MMP27: variants seen among roughly 807,000 people sequenced by gnomAD.
The protein encoded by MMP27 is matrix metalloproteinase-27.
MMP27 carries 51 observed loss-of-function variants against 48.1 expected under a neutral mutation model. The observed-to-expected ratio is 1.06, with a 90% CI of 0.85 to 1.34. The LOEUF (loss-of-function observed/expected upper bound fraction) is 1.34, where lower values mean the gene tolerates loss of function less well. MMP27 is among the 40% of genes most tolerant of loss of function. The pLI, the probability that MMP27 is intolerant of heterozygous loss-of-function variation, is 0.00. For synonymous variants in MMP27, 229 were observed against 208.9 expected (o/e 1.10, Z -0.83); for missense variants, 698 against 619.3 (o/e 1.13, Z -1.35).
At chr11:102,694,500 T>G (rs1318174042) in intron 7 of MMP27, among the ~76,000 whole-genome samples, 1 of 152,190 alleles carries the variant, frequency 6.6e-6, no homozygotes, top group Admixed American at 6.6e-5. Context: ...GATAAGATCA[T>G]GATCATTAAA....
chr11:102,702,822 G>C lies in MMP27; in HGVS notation c.550C>G (p.Pro184Ala). 1 of 1,613,994 alleles carries C rather than the reference G, an allele frequency of 6.2e-7. No homozygotes were observed. Among genetic ancestry groups the C allele is most frequent in the Non-Finnish European group, 8.5e-7 (1 of 1,179,960 alleles). ...TCACCACCCAGACCCGGACCAGGAG[G>C]AAAGGCATGGCCAAGCACTCCCAAG... The part of the protein sequence containing the change: ...GPLGVLGHAF[P>A]PGPGLGGDTH... The change falls in exon 4 of 10, where the codon CCT becomes GCT. Residue 184 changes from proline to alanine, a missense_variant. Transcript: ENST00000260229.
At chr11:102,692,782 T>C (rs944754578) in intron 9 of MMP27, among the ~76,000 whole-genome samples, 156 bp downstream of exon 9, 3 of 152,140 alleles carry the variant, frequency 2.0e-5, no homozygotes, top group Non-Finnish European at 4.4e-5. Flanking sequence ...ATGGATTCAG[T>C]TTGTGATAAT....
In MMP27 at chr11:102,699,749, A is replaced by G. The variant is rs370519352; in HGVS notation, c.620-2914T>C. ...CTGTTGGGAAAAATAATTCAAGCTC[A>G]GATTTTCTAAATGAAGTCCAGATCT... is the stretch of plus-strand genomic sequence containing the variant. On this transcript the variant is annotated intron_variant, in intron 4 of 9. Coordinates refer to ENST00000260229, the MANE Select transcript of MMP27 (RefSeq NM_022122.3). Among the ~76,000 whole-genome samples the G allele has an allele frequency of 2.6e-5, 4 of 152,364 alleles. No homozygotes were observed. The East Asian group carries it at 7.7e-4, about 29-fold the overall frequency.
chr11:102,702,842 C>T lies in MMP27; in HGVS notation c.530G>A (p.Gly177Glu). 1 of 1,613,970 alleles carries T rather than the reference C, an allele frequency of 6.2e-7. No homozygotes were observed. The highest frequency in any genetic ancestry group is 8.5e-7 in the Non-Finnish European group (1 of 1,179,970). Residue 177 changes from glycine (G) to glutamate (E), a missense_variant, in exon 4 of 10, where the codon GGA (glycine) becomes GAA (glutamate). Physicochemically the swap from Gly to Glu is moderately conservative, Grantham distance 98 (BLOSUM62 -2). Transcript: ENST00000260229. ...RCPRYFDGPL[G>E]VLGHAFPPGP... ...AGGAGGAAAGGCATGGCCAAGCACT[C>T]CCAAGGGACCATCAAAATAGCGAGG...
intron 2 of MMP27, 136 bp from the exon 3 acceptor site, chr11:102,703,254 C>T (rs1860980467): frequency 4.2e-6 from 3 of 720,724 alleles, no homozygotes; most frequent in Non-Finnish European, 6.7e-6. Context: ...CTTACAGTTG[C>T]ATTAGCACTT....
In MMP27 at chr11:102,691,522, T is replaced by C. The variant is rs1469953081; in HGVS notation, c.*244A>G. 2.9e-6 allele frequency: 1 copy of C among 347,498 alleles called. No homozygotes were observed. The highest frequency in any genetic ancestry group is 5.2e-6 in the Non-Finnish European group (1 of 192,182). The allele number at this position is 347,498 out of a possible 1,614,324, so 21.5% of individuals were successfully genotyped here. A position where few individuals can be genotyped will look rare whatever the true frequency, so the allele number is the denominator to read the frequency against. On this transcript the variant is annotated 3_prime_UTR_variant, in exon 10 of 10. Transcript: ENST00000260229. Reference sequence around the variant, plus strand: ...AAGATTGGTTTAATAAATGTTTCAGTATTCAGTTATAAGACATGTCTTCTC... The same window carrying C: ...AAGATTGGTTTAATAAATGTTTCAGCATTCAGTTATAAGACATGTCTTCTC...
At position 102,691,840 on chromosome 11, in the gene MMP27, ATATCTT is replaced by A. The variant is rs1383389491; in HGVS notation, c.1462_1467del (p.Lys488_Ile489del). ...AACAAGCTTAAACTCTTATGATACA[ATATCTT>A]TATGCCTCCTGAATGTGCTTTTTCC... On this transcript the variant is annotated inframe_deletion, in exon 10 of 10. Transcript: ENST00000260229. The A allele has an allele frequency of 6.2e-7, 1 of 1,612,794 alleles. No individual in the cohort carries two copies. Among genetic ancestry groups the A allele is most frequent in the Non-Finnish European group, 8.5e-7 (1 of 1,179,276 alleles).
At position 102,692,930 on chromosome 11, in the gene MMP27, A is replaced by G. The variant is rs777724896; in HGVS notation, c.1297+8T>C. 50 of 1,607,868 alleles carry G rather than the reference A, an allele frequency of 3.1e-5. No homozygotes were observed. The highest frequency in any genetic ancestry group is 4.2e-5 in the Non-Finnish European group (49 of 1,174,766). On this transcript the variant is annotated splice_region_variant and intron_variant, in intron 9 of 9. Coordinates refer to ENST00000260229, the MANE Select transcript of MMP27 (RefSeq NM_022122.3). ...AAGTATCCCAATAAGTGAGACATCC[A>G]TGCTTACCTTTGTACTGGAAAGCAG...
At chr11:102,704,500 T>A (rs1237657988) in intron 2 of MMP27, 37 bp downstream of exon 2, 13 of 1,461,074 alleles carry the variant, frequency 8.9e-6, no homozygotes, top group Non-Finnish European at 1.1e-5. Flanking sequence ...TTTATGTTCC[T>A]TTGGATTAGG....
rs1290207406 is a variant in MMP27, at chr11:102,702,837, G to T, written c.535C>A (p.Leu179Ile). ...GGACCAGGAGGAAAGGCATGGCCAA[G>T]CACTCCCAAGGGACCATCAAAATAG... ...PRYFDGPLGV[L>I]GHAFPPGPGL... Residue 179 changes from leucine to isoleucine, a missense_variant, in exon 4 of 10, where the codon CTT becomes ATT. Physicochemically the swap from Leu to Ile is conservative, Grantham distance 5. Transcript: ENST00000260229. 6.2e-7 allele frequency: 1 copy of T among 1,613,864 alleles called. No individual in the cohort carries two copies. The highest frequency in any genetic ancestry group is 1.1e-5 in the South Asian group (1 of 91,022).
Position 102,704,788 on chromosome 11 carries a change from AT to A in MMP27, c.103-14del. 3 of 1,521,318 alleles carry A rather than the reference AT, an allele frequency of 2.0e-6. No homozygotes were observed. The highest frequency in any genetic ancestry group is 1.8e-5 in the Admixed American group (1 of 54,496). The allele number at this position is 1,521,318 out of a possible 1,614,324, so 94.2% of individuals were successfully genotyped here. On this transcript the variant is annotated splice_polypyrimidine_tract_variant and intron_variant, in intron 1 of 9. Transcript: ENST00000260229. ...GGTTGAGATATGCCTGACCAAAAAGATAAGAAAAAAAAAAAAGAGGCACAGA... is the reference window on the plus strand; with the variant it reads ...GGTTGAGATATGCCTGACCAAAAAGAAAGAAAAAAAAAAAAGAGGCACAGA...
chr11:102,703,994 T>C (rs1860996704), intron 2 of MMP27, among the ~76,000 whole-genome samples: 1 of 152,208 alleles, frequency 6.6e-6, no homozygotes, highest in Non-Finnish European at 1.5e-5. Flanking sequence ...TGACTGTCTC[T>C]GTCTCAGATC....
chr11:102,701,043 G>T (rs1022403006), intron 4 of MMP27, among the ~76,000 whole-genome samples: 1 of 152,272 alleles, frequency 6.6e-6, no homozygotes, highest in East Asian at 1.9e-4. Context: ...TGGAGATTAC[G>T]TTTGCTTGAT....
At position 102,705,677 on chromosome 11, in the gene MMP27, G is replaced by A. The variant is rs1252036333; in HGVS notation, c.38C>T (p.Thr13Ile). 1.2e-6 allele frequency: 2 copies of A among 1,606,750 alleles called. No homozygotes were observed. Among genetic ancestry groups the A allele is most frequent in the Non-Finnish European group, 8.5e-7 (1 of 1,177,648 alleles). ...RLLLLFLFFI[T>I]FSSAFPLVRM... ...GACTAAGGGAAATGCAGAAGAAAATGTTATAAAGAACAAAAACAGAAGCAG... is the reference window on the plus strand; with the variant it reads ...GACTAAGGGAAATGCAGAAGAAAATATTATAAAGAACAAAAACAGAAGCAG... The change falls in exon 1 of 10, where the codon ACA becomes ATA. Residue 13 changes from threonine to isoleucine, a missense_variant. By Grantham distance (89) the Thr-to-Ile change is moderately conservative. Coordinates refer to ENST00000260229, the MANE Select transcript of MMP27 (RefSeq NM_022122.3).
In MMP27 at chr11:102,704,733, G is replaced by A. The variant is rs551261737; in HGVS notation, c.145C>T (p.His49Tyr). 1.2e-6 allele frequency: 2 copies of A among 1,613,040 alleles called. No individual in the cohort carries two copies. The highest frequency in any genetic ancestry group is 1.7e-5 in the Admixed American group (1 of 59,954). ...QFYSLEIEGN[H>Y]LVQSKNRSLI... ...CTCCTATTCTTGCTTTGAACAAGATGATTCCCTTCTATTTCAAGAGAGTAG... is the reference window on the plus strand; with the variant it reads ...CTCCTATTCTTGCTTTGAACAAGATAATTCCCTTCTATTTCAAGAGAGTAG... The change falls in exon 2 of 10, where the codon CAT becomes TAT. Residue 49 changes from histidine to tyrosine, a missense_variant. By Grantham distance (83) the His-to-Tyr change is moderately conservative. Transcript: ENST00000260229.
chr11:102,696,407 G>C lies in MMP27; in HGVS notation c.866C>G (p.Thr289Arg), dbSNP rs547057032. 1.7e-5 allele frequency: 28 copies of C among 1,613,854 alleles called. No homozygotes were observed. Among genetic ancestry groups the C allele is most frequent in the Middle Eastern group, 1.7e-4 (1 of 6,056 alleles). Residue 289 changes from threonine (T) to arginine (R), a missense_variant, in exon 6 of 10, where the codon ACA (threonine) becomes AGA (arginine). By Grantham distance (71) the Thr-to-Arg change is moderately conservative. Transcript: ENST00000260229. Reference sequence around the variant, plus strand: ...GAACATTACTTCTCTGCGGAAAGTTGTGATAGCGTCAAAAGTCAAGTCAGG... The same window carrying C: ...GAACATTACTTCTCTGCGGAAAGTTCTGATAGCGTCAAAAGTCAAGTCAGG... ...CDPDLTFDAITTFRREVMFFK... is the reference protein window; with the variant it reads ...CDPDLTFDAIRTFRREVMFFK...
intron 8 of MMP27, among the ~76,000 whole-genome samples, 154 bp from the exon 9 acceptor site, chr11:102,693,195 T>C (rs761766365): frequency 2.0e-5 from 3 of 152,166 alleles, no homozygotes; most frequent in Non-Finnish European, 4.4e-5. Context: ...ACAGTAAAGA[T>C]TATGTTTGGT....
chr11:102,702,642 T>C (rs984258144), intron 4 of MMP27, 111 bp downstream of exon 4: 3 of 1,260,596 alleles, frequency 2.4e-6, no homozygotes, highest in Non-Finnish European at 3.3e-6. Context: ...ATATGGAAAA[T>C]TGTGGGGACA....
Position 102,692,289 on chromosome 11 carries a change from A to G in MMP27, c.1298-279T>C, listed in dbSNP as rs551015100. Among the ~76,000 whole-genome samples, 33 of 152,318 alleles carry G rather than the reference A, an allele frequency of 2.2e-4. No homozygotes were observed. In the South Asian group the frequency reaches 5.2e-3, roughly 24 times the overall value. ...AGAGGTTTTCAAACTAGGCTTCAAC[A>G]AAGTGTCTCAGTGAGGGGGAGGAAA... On this transcript the variant is annotated intron_variant, in intron 9 of 9. Coordinates refer to ENST00000260229, the MANE Select transcript of MMP27 (RefSeq NM_022122.3).
Sources: allele counts gnomAD v4.1 joint callset (sites outside exome capture counted in the v4.1 genomes callset), GRCh38; gene constraint gnomAD v4.1.1; transcripts MANE v1.5; gene names NCBI Gene and HGNC (gene_info 2026-07-23, HGNC 2026-07-21).